NHSL2: variants seen among roughly 807,000 people sequenced by gnomAD.
The protein encoded by NHSL2 is NHS like 2, also known as NHS-like protein 2.
Under a neutral mutation model 53.4 loss-of-function variants are expected in NHSL2, and 27 were observed. The observed-to-expected ratio is 0.51, with a 90% CI of 0.37 to 0.70. The LOEUF (loss-of-function observed/expected upper bound fraction) is 0.70. Ranked by LOEUF, NHSL2 falls within the 30% of genes least tolerant of loss-of-function variation. The pLI is 0.00. For missense variants in NHSL2, 892 were observed against 980.1 expected, an observed-to-expected ratio of 0.91 and a Z score of 1.20; for synonymous variants, 408 against 404.1, an observed-to-expected ratio of 1.01 and a Z score of -0.12.
chrX:71,937,632 G>A (rs1287449292), intron 1 of NHSL2, among the ~76,000 whole-genome samples: 1 of 112,033 alleles, frequency 8.9e-6, no homozygotes, highest in Non-Finnish European at 1.9e-5. Flanking sequence ...TTTTTTGGTA[G>A]TCATTTTGAT....
intron 1 of NHSL2, among the ~76,000 whole-genome samples, chrX:72,028,858 C>G (rs1268231860): frequency 1.8e-5 from 2 of 112,331 alleles, no homozygotes; most frequent in Non-Finnish European, 3.8e-5. Context: ...AGAGCTGGGC[C>G]CCTGGTTGGG....
chrX:72,059,664 A>G (rs1157095499), intron 1 of NHSL2, among the ~76,000 whole-genome samples: 1 of 111,718 alleles, frequency 9.0e-6, no homozygotes, highest in Non-Finnish European at 1.9e-5. Flanking sequence ...GAAGGAATTC[A>G]GTTCTGGGTG....
At chrX:71,960,995 C>G (rs1210799339) in intron 1 of NHSL2, among the ~76,000 whole-genome samples, 2 of 112,244 alleles carry the variant, frequency 1.8e-5, no homozygotes, top group East Asian at 5.6e-4. Context: ...AATACTAAGT[C>G]TTCCAGTCCA....
At chrX:72,086,742 A>AT (rs1341673403) in intron 1 of NHSL2, among the ~76,000 whole-genome samples, 4 of 108,955 alleles carry the variant, frequency 3.7e-5, no homozygotes, top group Non-Finnish European at 7.6e-5. Context: ...TCAAGATGTA[A>AT]TTTTCAAAGG....
chrX:72,129,773 G>A, intron 1 of NHSL2: 1 of 1,086,440 alleles, frequency 9.2e-7, no homozygotes, highest in South Asian at 2.1e-5. Flanking sequence ...GGCAGCAATA[G>A]CAGGGGCGGG....
At chrX:72,014,824 T>C (rs915905519) in intron 1 of NHSL2, among the ~76,000 whole-genome samples, 15 of 109,508 alleles carry the variant, frequency 1.4e-4, no homozygotes, top group Non-Finnish European at 2.3e-4. Flanking sequence ...TGAGTTCCTA[T>C]ATACCCTTGC....
chrX:71,932,415 G>T (rs1385641752), intron 1 of NHSL2, among the ~76,000 whole-genome samples: 2 of 110,979 alleles, frequency 1.8e-5, no homozygotes, highest in Non-Finnish European at 3.8e-5. Flanking sequence ...AAGCAAAGAA[G>T]TAACATGATC....
chrX:72,078,114 G>A (rs12010021), intron 1 of NHSL2, among the ~76,000 whole-genome samples: 2,486 of 112,992 alleles, frequency 0.022, 64 homozygotes, highest in African/African-American at 0.077. Flanking sequence ...GCTCAGAGAG[G>A]TTAAGTGACA....
At chrX:71,971,210 T>C (rs1319911517) in intron 1 of NHSL2, among the ~76,000 whole-genome samples, 1 of 112,163 alleles carries the variant, frequency 8.9e-6, no homozygotes, top group Non-Finnish European at 1.9e-5. Flanking sequence ...CTAAGGTTTA[T>C]GATATACACC....
chrX:72,109,040 C>T (rs975436710), intron 1 of NHSL2, among the ~76,000 whole-genome samples: 2 of 111,406 alleles, frequency 1.8e-5, no homozygotes, highest in South Asian at 7.5e-4. Flanking sequence ...TTTGCTGTTT[C>T]CCCTGCCAAG....
At chrX:72,005,838 C>CA (rs983648350) in intron 1 of NHSL2, among the ~76,000 whole-genome samples, 2 of 111,803 alleles carry the variant, frequency 1.8e-5, no homozygotes, top group Non-Finnish European at 3.8e-5. Flanking sequence ...CAATTTCGGA[C>CA]ATGTTGATGA....
At chrX:72,087,629 T>G (rs2041860200) in intron 1 of NHSL2, among the ~76,000 whole-genome samples, 1 of 112,359 alleles carries the variant, frequency 8.9e-6, no homozygotes, top group Non-Finnish European at 1.9e-5. Flanking sequence ...CCCAGCACTT[T>G]GGGAGGCCGA....
intron 1 of NHSL2, among the ~76,000 whole-genome samples, chrX:72,106,135 G>A (rs754603579): frequency 9.0e-6 from 1 of 110,540 alleles, no homozygotes; most frequent in African/African-American, 3.3e-5. Context: ...CGTGAACCCC[G>A]GGGGGGCAGA....
chrX:72,093,785 TTTC>T (rs2041922037), intron 1 of NHSL2, among the ~76,000 whole-genome samples: 2 of 107,869 alleles, frequency 1.9e-5, no homozygotes, highest in East Asian at 5.7e-4. Flanking sequence ...TTTCTTTTCC[TTTC>T]TTTCTTTCTT....
Position 72,008,234 on chromosome X carries a change from G to GAC in NHSL2, c.280+96867_280+96868insAC, listed in dbSNP as rs1442332029. On this transcript the variant is annotated intron_variant, in intron 1 of 7. Transcript: ENST00000633930. ...CCCACACTCTGTTCTGACTGACTGTGTGACCCACGTCCCTATCTGCTCAGT... is the reference window on the plus strand; with the variant it reads ...CCCACACTCTGTTCTGACTGACTGTGACTGACCCACGTCCCTATCTGCTCAGT... Among the ~76,000 whole-genome samples, 9 of 112,913 alleles carry GAC rather than the reference G, an allele frequency of 8.0e-5. No homozygotes were observed. The East Asian group carries it at 1.9e-3, about 24-fold the overall frequency.
At chrX:71,998,450 G>A (rs957978660) in intron 1 of NHSL2, among the ~76,000 whole-genome samples, 12 of 111,672 alleles carry the variant, frequency 1.1e-4, no homozygotes, top group African/African-American at 1.3e-4. Context: ...TTTCTGGGGC[G>A]TCTTGGTCTC....
At position 71,992,763 on chromosome X, in the gene NHSL2, C is replaced by T. The variant is rs370955745; in HGVS notation, c.280+81396C>T. Among the ~76,000 whole-genome samples the T allele has an allele frequency of 3.2e-4, 36 of 112,321 alleles. No individual in the cohort carries two copies. The South Asian group carries it at 8.8e-3, about 27-fold the overall frequency. On this transcript the variant is annotated intron_variant, in intron 1 of 7. Coordinates refer to ENST00000633930, the MANE Select transcript of NHSL2 (RefSeq NM_001013627.3). Reference sequence around the variant, plus strand: ...GGCTGCCAGGGGAAGTGGGTACACCCGCTTGTGGGGCTGTAAGACAGCACA... The same window carrying T: ...GGCTGCCAGGGGAAGTGGGTACACCTGCTTGTGGGGCTGTAAGACAGCACA...
In NHSL2 at chrX:71,978,762, T is replaced by G. The variant is rs766755856; in HGVS notation, c.280+67395T>G. On this transcript the variant is annotated intron_variant, in intron 1 of 7. Coordinates refer to ENST00000633930, the MANE Select transcript of NHSL2 (RefSeq NM_001013627.3). ...ACTACAGAAACTTGTCAAGGTTTTT[T>G]TTTTTTTTTTTAATTATACTGTAAG... Among the ~76,000 whole-genome samples, 233 of 108,975 alleles carry G rather than the reference T, an allele frequency of 2.1e-3. 1 individual carries two copies. The highest frequency in any genetic ancestry group is 7.4e-3 in the African/African-American group (222 of 29,898). The allele number at this position is 108,975 out of a possible 115,157, so 94.6% of individuals were successfully genotyped here. A position where few individuals can be genotyped will look rare whatever the true frequency, so the allele number is the denominator to read the frequency against.
chrX:72,117,642 T>C (rs966698748), intron 1 of NHSL2, among the ~76,000 whole-genome samples: 4 of 110,324 alleles, frequency 3.6e-5, no homozygotes, highest in Admixed American at 1.9e-4. Flanking sequence ...ACTTTGTGTC[T>C]TAATGGATCT....
Sources: gnomAD v4.1 joint callset for allele counts (sites outside exome capture counted in the v4.1 genomes callset) on GRCh38, gnomAD v4.1.1 for gene constraint, MANE v1.5 for transcripts, NCBI Gene and HGNC (gene_info 2026-07-23, HGNC 2026-07-21) for gene names.